MYH11: variants seen among roughly 807,000 people sequenced by gnomAD.
The protein encoded by MYH11 is myosin-11.
MYH11 carries 80 observed loss-of-function variants against 246.6 expected under a neutral mutation model. The ratio of observed to expected loss-of-function variants is 0.32; its 90% CI spans 0.27 to 0.39. MYH11 has a LOEUF of 0.39. Among genes scored for constraint, MYH11 ranks in the 10% least tolerant of loss-of-function variants. MYH11 has a pLI of 1.00. For synonymous variants in MYH11, 1,071 were observed against 1,015.5 expected, an observed-to-expected ratio of 1.05 and a Z score of -1.04; for missense variants, 2,158 against 2,546.8, an observed-to-expected ratio of 0.85 and a Z score of 3.29.
chr16:15,847,246 CTTTT>C (rs545966682), intron 1 of MYH11, among the ~76,000 whole-genome samples: 3 of 112,256 alleles, frequency 2.7e-5, no homozygotes, highest in Non-Finnish European at 5.6e-5. Flanking sequence ...AAGTGGACTT[CTTTT>C]TTTTTTTTTT....
At chr16:15,760,280 A>G (rs2041838702) in intron 11 of MYH11, among the ~76,000 whole-genome samples, 1 of 152,032 alleles carries the variant, frequency 6.6e-6, no homozygotes, top group Non-Finnish European at 1.5e-5. Flanking sequence ...TGGCTGGGTC[A>G]TGGATGGATG....
chr16:15,745,582 C>CT (rs71981525), intron 19 of MYH11, among the ~76,000 whole-genome samples: 2,942 of 94,306 alleles, frequency 0.031, 106 homozygotes, highest in East Asian at 0.13. Context: ...TTCTTTCTTT[C>CT]TTTTTTTTTT....
intron 4 of MYH11, among the ~76,000 whole-genome samples, chr16:15,788,286 CT>C (rs2042525455): frequency 6.6e-6 from 1 of 151,264 alleles, no homozygotes; most frequent in Admixed American, 6.6e-5. Context: ...TTTGTGTTTC[CT>C]TTCTTTGCCT....
chr16:15,797,555 A>T (rs978157294), intron 4 of MYH11, among the ~76,000 whole-genome samples: 1 of 148,166 alleles, frequency 6.7e-6, no homozygotes, highest in Non-Finnish European at 1.5e-5. Flanking sequence ...ATATATATAA[A>T]TATAAATATA....
At chr16:15,710,523 A>G (rs543139313) in intron 40 of MYH11, among the ~76,000 whole-genome samples, 1 of 151,762 alleles carries the variant, frequency 6.6e-6, no homozygotes, top group South Asian at 2.1e-4. Context: ...CCGTCTAAAA[A>G]TAAATAATAA....
rs1388291748 is a variant in MYH11, at chr16:15,788,796, ATATGTGTGTGTGTGTG to A, written c.531-2080_531-2065del. Among the ~76,000 whole-genome samples the A allele has an allele frequency of 7.6e-3, 719 of 94,942 alleles. 16 individuals carry two copies. Among genetic ancestry groups the A allele is most frequent in the Admixed American group, 0.061 (626 of 10,208 alleles). The allele number at this position is 94,942 out of a possible 152,430, so 62.3% of individuals were successfully genotyped here. A position where few individuals can be genotyped will look rare whatever the true frequency, so the allele number is the denominator to read the frequency against. On this transcript the variant is annotated intron_variant, in intron 4 of 40. Coordinates refer to ENST00000300036, the MANE Select transcript of MYH11 (RefSeq NM_002474.3). ...CAGAAGGGGAAACTAAGACCAGAATATATGTGTGTGTGTGTGTGTGTGTGTGTGTGTGTGTGTGTGT... is the reference window on the plus strand; with the variant it reads ...CAGAAGGGGAAACTAAGACCAGAATATGTGTGTGTGTGTGTGTGTGTGTGT...
At chr16:15,705,984 C>CAAAAAAAAAA (rs57451847) in intron 40 of MYH11, among the ~76,000 whole-genome samples, 7,539 of 56,350 alleles carry the variant, frequency 0.13, 1,513 homozygotes, top group Non-Finnish European at 0.16. Flanking sequence ...GACTCCGTCT[C>CAAAAAAAAAA]AAAAAAAAAA....
intron 40 of MYH11, among the ~76,000 whole-genome samples, chr16:15,706,199 C>G (rs1403200434): frequency 6.6e-6 from 1 of 152,158 alleles, no homozygotes; most frequent in African/African-American, 2.4e-5. Flanking sequence ...CCCAGCTTCA[C>G]AGAGAAGCTT....
rs115375295 is a variant in MYH11, at chr16:15,855,786, C to T, written c.-18+1155G>A. ...TCTCTGAACAATTCTAAAATAGTAT[C>T]GTTGAGTAAATCAAAGAAACAAAAA... On this transcript the variant is annotated intron_variant, in intron 1 of 40. Transcript: ENST00000300036. 1.2e-3 allele frequency among the ~76,000 whole-genome samples: 183 copies of T among 152,242 alleles called. 2 individuals are homozygous for T. The East Asian group carries it at 0.03, about 25-fold the overall frequency.
rs2041473586 is a variant in MYH11, at chr16:15,748,230, C to G, written c.2059-62G>C. On this transcript the variant is annotated intron_variant, in intron 16 of 40. Transcript: ENST00000300036. ...CAGAAACCATGGCGCAGCAAAGCCC[C>G]AAACCTCCTACCTGGATGACCCACC... The G allele has an allele frequency of 5.0e-6, 8 of 1,606,234 alleles. No individual in the cohort carries two copies. The East Asian group carries it at 1.8e-4, about 36-fold the overall frequency.
At chr16:15,751,081 T>C (rs574897705) in intron 15 of MYH11, among the ~76,000 whole-genome samples, 3 of 151,934 alleles carry the variant, frequency 2.0e-5, no homozygotes, top group Admixed American at 6.6e-5. Flanking sequence ...CACTCCGAGA[T>C]AGCCTGGCAC....
At chr16:15,708,570 CAT>C (rs532079170) in intron 40 of MYH11, among the ~76,000 whole-genome samples, 7 of 152,218 alleles carry the variant, frequency 4.6e-5, no homozygotes, top group Non-Finnish European at 2.9e-5. Flanking sequence ...TGTCATGTCA[CAT>C]GTGCTGCCCA....
intron 1 of MYH11, among the ~76,000 whole-genome samples, chr16:15,844,385 A>T (rs2044134427): frequency 6.6e-6 from 1 of 152,092 alleles, no homozygotes. Context: ...TTTAGTAGAG[A>T]CGGGGTTTCA....
rs1002156010 is a variant in MYH11 at position 15,756,380 on chromosome 16, C to T, written c.1710G>A (p.Lys570=). The T allele has an allele frequency of 1.2e-6, 2 of 1,613,996 alleles. No individual in the cohort carries two copies. Among genetic ancestry groups the T allele is most frequent in the African/African-American group, 1.3e-5 (1 of 74,898 alleles). ...GGATGATGGAGAACTCAGTCTTGTCCTTGAGCTGCTTGGGCTTCTGGAACT... is the reference window on the plus strand; with the variant it reads ...GGATGATGGAGAACTCAGTCTTGTCTTTGAGCTGCTTGGGCTTCTGGAACT... ...HPKFQKPKQL[K]DKTEFSIIHY... is the part of the protein sequence containing the mutation. The change falls in exon 14 of 41, where the codon AAG becomes AAA. Residue 570 remains lysine (K), a synonymous_variant. Coordinates refer to ENST00000300036, the MANE Select transcript of MYH11 (RefSeq NM_002474.3).
intron 3 of MYH11, among the ~76,000 whole-genome samples, chr16:15,820,120 A>G (rs1019686291): frequency 3.9e-5 from 6 of 152,202 alleles, no homozygotes; most frequent in Non-Finnish European, 7.3e-5. Context: ...AGGTGGGAGG[A>G]TCACCTGAGG....
intron 2 of MYH11, among the ~76,000 whole-genome samples, chr16:15,826,915 C>A (rs556238837): frequency 6.7e-5 from 10 of 148,766 alleles, no homozygotes; most frequent in South Asian, 6.4e-4. Context: ...ATCACTTGAA[C>A]CTGGGAGGTG....
chr16:15,727,456 C>A (rs1174707893), intron 27 of MYH11, among the ~76,000 whole-genome samples: 1 of 152,064 alleles, frequency 6.6e-6, no homozygotes, highest in Non-Finnish European at 1.5e-5. Flanking sequence ...CCATCTTGGC[C>A]TCCCTAAGTG....
chr16:15,774,739 G>A (rs187276266), intron 8 of MYH11, among the ~76,000 whole-genome samples: 2 of 152,250 alleles, frequency 1.3e-5, no homozygotes, highest in East Asian at 1.9e-4. Flanking sequence ...ACAGGCGCCA[G>A]CCACCACACC....
At chr16:15,829,571 G>GC (rs983680842) in intron 2 of MYH11, among the ~76,000 whole-genome samples, 1 of 152,138 alleles carries the variant, frequency 6.6e-6, no homozygotes, top group Non-Finnish European at 1.5e-5. Flanking sequence ...GGCCCCACGA[G>GC]CCCCTCTCCA....
Sources: gnomAD v4.1 joint callset for allele counts (sites outside exome capture counted in the v4.1 genomes callset) on GRCh38, gnomAD v4.1.1 for gene constraint, MANE v1.5 for transcripts, NCBI Gene and HGNC (gene_info 2026-07-23, HGNC 2026-07-21) for gene names.